The following DPP10 variants were observed in gnomAD, a reference collection of about 807,000 sequenced individuals.
DPP10 encodes dipeptidyl peptidase like 10, also known as inactive dipeptidyl peptidase 10.
A neutral mutation model predicts 120.9 loss-of-function variants in DPP10; 33 were observed. The observed-to-expected ratio is 0.27, with a 90% CI of 0.21 to 0.37. The LOEUF is 0.37. Among genes scored for constraint, DPP10 ranks in the 10% least tolerant of loss-of-function variants. The pLI is 1.00. For synonymous variants in DPP10, 337 were observed against 326.1 expected (o/e 1.03, Z -0.36); for missense variants, 816 against 942.8 (o/e 0.87, Z 1.76).
chr2:114,600,827 A>G (rs1325049881), intron 1 of DPP10, among the ~76,000 whole-genome samples: 1 of 151,906 alleles, frequency 6.6e-6, no homozygotes, highest in Admixed American at 6.6e-5. Flanking sequence ...GTTTTATCTC[A>G]CTTAAACTGA....
chr2:115,267,211 A>T (rs2059498456), intron 1 of DPP10, among the ~76,000 whole-genome samples: 1 of 152,172 alleles, frequency 6.6e-6, no homozygotes, highest in South Asian at 2.1e-4. Context: ...TTTCTGTGAG[A>T]TGTCCATAAG....
intron 1 of DPP10, among the ~76,000 whole-genome samples, chr2:114,665,479 T>C (rs1459461368): frequency 6.6e-6 from 1 of 152,142 alleles, no homozygotes; most frequent in African/African-American, 2.4e-5. Flanking sequence ...GCTGTGTCCA[T>C]TGCAGGTTCC....
intron 1 of DPP10, among the ~76,000 whole-genome samples, chr2:114,970,150 G>C (rs914939379): frequency 4.6e-5 from 7 of 152,106 alleles, no homozygotes; most frequent in African/African-American, 1.7e-4. Context: ...GCTTAGCCTG[G>C]AGCATGCACA....
At chr2:115,528,248 T>C (rs923607034) in intron 5 of DPP10, among the ~76,000 whole-genome samples, 11 of 151,762 alleles carry the variant, frequency 7.2e-5, no homozygotes, top group African/African-American at 2.2e-4. Context: ...TTAGGAGATA[T>C]ACCTAATGCA....
intron 1 of DPP10, among the ~76,000 whole-genome samples, chr2:114,492,805 T>C (rs1165260412): frequency 2.6e-5 from 4 of 152,176 alleles, no homozygotes; most frequent in Non-Finnish European, 5.9e-5. Flanking sequence ...AAAATTGTCA[T>C]TTGAGATAGA....
At chr2:114,713,294 T>G (rs1320327341) in intron 1 of DPP10, among the ~76,000 whole-genome samples, 1 of 152,166 alleles carries the variant, frequency 6.6e-6, no homozygotes, top group Non-Finnish European at 1.5e-5. Context: ...CGCCTAATTT[T>G]GTAATAAAAT....
intron 19 of DPP10, among the ~76,000 whole-genome samples, chr2:115,811,120 A>G (rs17045042): frequency 0.018 from 2,778 of 152,244 alleles, 88 homozygotes; most frequent in African/African-American, 0.061. Context: ...CACATGCCTG[A>G]TTTGTTCCTT....
At chr2:114,776,056 A>T (rs1183401377) in intron 1 of DPP10, among the ~76,000 whole-genome samples, 2 of 152,210 alleles carry the variant, frequency 1.3e-5, no homozygotes, top group South Asian at 2.1e-4. Flanking sequence ...GTCTTCCCAG[A>T]GATGGTGAAA....
At chr2:114,790,948 T>C (rs895915037) in intron 1 of DPP10, among the ~76,000 whole-genome samples, 1 of 152,038 alleles carries the variant, frequency 6.6e-6, no homozygotes, top group Admixed American at 6.6e-5. Context: ...ATGTTGGTGA[T>C]TGAGATTTAC....
At chr2:115,273,340 G>A (rs1215527968) in intron 1 of DPP10, among the ~76,000 whole-genome samples, 1 of 151,342 alleles carries the variant, frequency 6.6e-6, no homozygotes, top group African/African-American at 2.4e-5. Context: ...GCTTTTTTTT[G>A]TTTGTTTGTG....
At chr2:115,016,703 G>C (rs1048998213) in intron 1 of DPP10, among the ~76,000 whole-genome samples, 8 of 151,256 alleles carry the variant, frequency 5.3e-5, no homozygotes, top group African/African-American at 1.9e-4. Flanking sequence ...GATATGAACA[G>C]ACATTTCTCA....
intron 1 of DPP10, among the ~76,000 whole-genome samples, chr2:115,150,378 A>G (rs1344921822): frequency 6.6e-6 from 1 of 152,242 alleles, no homozygotes; most frequent in Non-Finnish European, 1.5e-5. Flanking sequence ...TCTTATCTAT[A>G]GTGAAAATTA....
At chr2:114,677,304 C>T (rs1698735630) in intron 1 of DPP10, among the ~76,000 whole-genome samples, 1 of 152,072 alleles carries the variant, frequency 6.6e-6, no homozygotes, top group Admixed American at 6.6e-5. Flanking sequence ...ACATTTAGCA[C>T]CTCCACCCAT....
intron 1 of DPP10, among the ~76,000 whole-genome samples, chr2:115,222,731 TA>T (rs1030821399): frequency 1.3e-5 from 2 of 151,952 alleles, no homozygotes; most frequent in East Asian, 1.9e-4. Flanking sequence ...TGAACAGCAT[TA>T]AAAAAAAGCA....
rs575063661 is a variant in DPP10 at position 115,373,108 on chromosome 2, T to C, written c.271+29196T>C. Among the ~76,000 whole-genome samples, 10 of 152,334 alleles carry C rather than the reference T, an allele frequency of 6.6e-5. No individual in the cohort carries two copies. In the East Asian group the frequency reaches 1.7e-3, roughly 26 times the overall value. On this transcript the variant is annotated intron_variant, in intron 3 of 25. Transcript: ENST00000410059. ...ATGAAAGAGATCAGGGAAAGTTTCCTGGAGGATGGGACATCTTAGCTGAAC... is the reference window on the plus strand; with the variant it reads ...ATGAAAGAGATCAGGGAAAGTTTCCCGGAGGATGGGACATCTTAGCTGAAC...
At chr2:114,721,026 T>C (rs1446958440) in intron 1 of DPP10, among the ~76,000 whole-genome samples, 1 of 151,930 alleles carries the variant, frequency 6.6e-6, no homozygotes, top group Non-Finnish European at 1.5e-5. Flanking sequence ...TTTTGAGGGC[T>C]AAGCCCCTGT....
intron 1 of DPP10, among the ~76,000 whole-genome samples, chr2:115,113,270 T>A: frequency 6.7e-6 from 1 of 149,734 alleles, no homozygotes; most frequent in East Asian, 1.9e-4. Context: ...GTATATATGC[T>A]ATATATATAT....
At chr2:115,803,043 C>T (rs760863373) in intron 19 of DPP10, among the ~76,000 whole-genome samples, 1 of 151,956 alleles carries the variant, frequency 6.6e-6, no homozygotes, top group Admixed American at 6.6e-5. Flanking sequence ...TTAAAGTGTC[C>T]CATTATTATT....
intron 1 of DPP10, among the ~76,000 whole-genome samples, chr2:114,978,090 C>A (rs943873624): frequency 5.3e-5 from 8 of 152,042 alleles, no homozygotes; most frequent in Non-Finnish European, 8.8e-5. Context: ...AGCAGTTTTT[C>A]AGTAATTAAA....
Sources: gnomAD v4.1 joint callset for allele counts (sites outside exome capture counted in the v4.1 genomes callset) on GRCh38, gnomAD v4.1.1 for gene constraint, MANE v1.5 for transcripts, NCBI Gene and HGNC (gene_info 2026-07-23, HGNC 2026-07-21) for gene names.